SUMF1: variants seen among roughly 807,000 people sequenced by gnomAD.
The protein encoded by SUMF1 is formylglycine-generating enzyme.
SUMF1 carries 48 observed loss-of-function variants against 47.6 expected under a neutral mutation model. The observed-to-expected ratio is 1.01, with a 90% confidence interval of 0.80 to 1.28. The LOEUF is 1.28. SUMF1 is among the 50% of genes most tolerant of loss of function. The probability of loss-of-function intolerance (pLI) is 0.00; values close to 1 mark genes in which losing one functional copy is unlikely to be tolerated. For synonymous variants in SUMF1, 230 were observed against 192.1 expected (o/e 1.20, Z -1.63); for missense variants, 571 against 485.4 (o/e 1.18, Z -1.66).
chr3:4,143,599 C>T (rs1350765869), intron 8 of SUMF1, among the ~76,000 whole-genome samples: 2 of 152,052 alleles, frequency 1.3e-5, no homozygotes, highest in East Asian at 3.9e-4. Flanking sequence ...TCTCTGTGAA[C>T]TAAAAACCCA....
intron 8 of SUMF1, among the ~76,000 whole-genome samples, chr3:4,214,983 T>C (rs892651241): frequency 6.6e-6 from 1 of 152,168 alleles, no homozygotes; most frequent in Non-Finnish European, 1.5e-5. Flanking sequence ...GAGGAGCTGG[T>C]ACCATTCATT....
intron 8 of SUMF1, among the ~76,000 whole-genome samples, chr3:4,144,169 G>A (rs1240740303): frequency 2.0e-5 from 3 of 151,686 alleles, no homozygotes; most frequent in East Asian, 1.9e-4. Context: ...GTCTTACCAC[G>A]TGTCCCAGGC....
At chr3:4,456,674 G>A (rs1341988184) in intron 1 of SUMF1, among the ~76,000 whole-genome samples, 11 of 138,944 alleles carry the variant, frequency 7.9e-5, no homozygotes, top group East Asian at 2.1e-4. Context: ...ATATATATAC[G>A]TGTATATATA....
intron 8 of SUMF1, among the ~76,000 whole-genome samples, chr3:4,096,473 C>T (rs1692907009): frequency 6.6e-6 from 1 of 152,064 alleles, no homozygotes. Flanking sequence ...TAGAAATGGG[C>T]AGCTTTTGTA....
intron 9 of SUMF1, among the ~76,000 whole-genome samples, chr3:4,060,801 T>C (rs895695880): frequency 1.3e-5 from 2 of 152,162 alleles, no homozygotes; most frequent in African/African-American, 4.8e-5. Flanking sequence ...GAGGAATAAA[T>C]GAATCATTGT....
chr3:4,265,306 C>T (rs1191241468), intron 8 of SUMF1, among the ~76,000 whole-genome samples: 1 of 152,070 alleles, frequency 6.6e-6, no homozygotes, highest in East Asian at 1.9e-4. Context: ...GTAGCCAAAC[C>T]TTTAGCTTAG....
At position 4,066,220 on chromosome 3, in the gene SUMF1, G is replaced by C. The variant is rs1001404192; in HGVS notation, c.1191+2349C>G. ...TTTTTAATTCAAAAATTGCAAAAATGCCAAAACAGGATGAAATGATATCAG... is the reference window on the plus strand; with the variant it reads ...TTTTTAATTCAAAAATTGCAAAAATCCCAAAACAGGATGAAATGATATCAG... On this transcript the variant is annotated intron_variant and NMD_transcript_variant, in intron 9 of 12. Transcript: ENST00000448413. 2.2e-4 allele frequency among the ~76,000 whole-genome samples: 33 copies of C among 150,918 alleles called. 1 individual carries two copies. Among genetic ancestry groups the C allele is most frequent in the Admixed American group, 6.6e-5 (1 of 15,136 alleles).
At chr3:4,450,326 C>T (rs1702927249) in intron 2 of SUMF1, among the ~76,000 whole-genome samples, 1 of 152,164 alleles carries the variant, frequency 6.6e-6, no homozygotes, top group East Asian at 1.9e-4. Flanking sequence ...AAATGACTCT[C>T]AAATCTCTAC....
chr3:4,423,437 T>C (rs1368104516), intron 3 of SUMF1, among the ~76,000 whole-genome samples: 1 of 152,014 alleles, frequency 6.6e-6, no homozygotes, highest in East Asian at 1.9e-4. Flanking sequence ...TGTATAGAAG[T>C]CCCTAGGGCT....
At chr3:4,465,404 A>T (rs2079916553) in intron 1 of SUMF1, among the ~76,000 whole-genome samples, 1 of 152,104 alleles carries the variant, frequency 6.6e-6, no homozygotes, top group Non-Finnish European at 1.5e-5. Context: ...ATTCGAACCC[A>T]GGAGGTGGAG....
At chr3:4,106,417 A>C (rs971472643) in intron 8 of SUMF1, among the ~76,000 whole-genome samples, 3 of 152,136 alleles carry the variant, frequency 2.0e-5, no homozygotes, top group African/African-American at 4.8e-5. Context: ...TAGTTTTCAC[A>C]TATACCCTTC....
At chr3:4,138,486 A>G (rs1183979121) in intron 8 of SUMF1, among the ~76,000 whole-genome samples, 1 of 152,106 alleles carries the variant, frequency 6.6e-6, no homozygotes, top group African/African-American at 2.4e-5. Context: ...TATTAGCCTG[A>G]CCTTCCAGAA....
chr3:4,175,663 G>C (rs1041709947), intron 8 of SUMF1, among the ~76,000 whole-genome samples: 2 of 152,134 alleles, frequency 1.3e-5, no homozygotes, highest in Admixed American at 1.3e-4. Flanking sequence ...TGCCAGCAGT[G>C]GAAAAAGGTG....
intron 7 of SUMF1, among the ~76,000 whole-genome samples, chr3:4,387,853 A>G (rs1700724168): frequency 6.6e-6 from 1 of 152,024 alleles, no homozygotes; most frequent in Non-Finnish European, 1.5e-5. Context: ...AGCGTGTTTC[A>G]TAGTTTCCAT....
At chr3:4,235,141 A>G (rs1318782208) in intron 8 of SUMF1, among the ~76,000 whole-genome samples, 1 of 152,180 alleles carries the variant, frequency 6.6e-6, no homozygotes, top group African/African-American at 2.4e-5. Context: ...CAACAGCAGT[A>G]GAGACAAAGG....
At chr3:4,074,153 T>G (rs1692357438) in intron 8 of SUMF1, among the ~76,000 whole-genome samples, 1 of 151,888 alleles carries the variant, frequency 6.6e-6, no homozygotes. Flanking sequence ...CAGACCACAG[T>G]GCAATCAAAT....
At position 4,171,197 on chromosome 3, in the gene SUMF1, T is replaced by C. The variant is rs182290454; in HGVS notation, c.1015-102452A>G. On this transcript the variant is annotated intron_variant and NMD_transcript_variant, in intron 8 of 12. Transcript: ENST00000448413. ...CATCATGCAGAATTTTGCTAACTAC[T>C]AAGGATTTTGCCACCATCAGCAGCA... Among the ~76,000 whole-genome samples the C allele has an allele frequency of 1.5e-4, 23 of 152,282 alleles. No individual in the cohort carries two copies. The East Asian group carries it at 4.4e-3, about 29-fold the overall frequency.
At chr3:4,447,678 T>C (rs1702827173) in intron 3 of SUMF1, among the ~76,000 whole-genome samples, 2 of 152,216 alleles carry the variant, frequency 1.3e-5, no homozygotes, top group Admixed American at 6.5e-5. Flanking sequence ...GACACATTTA[T>C]GTTACTTGTT....
rs73809521 is a variant in SUMF1, at chr3:4,370,344, G to A, written c.1014+5986C>T. On this transcript the variant is annotated intron_variant, in intron 8 of 8. Transcript: ENST00000272902. ...CTTAGAAACCTTGTGTTCAACTGCA[G>A]GAAGATGGTAATAGCCCTGCCAGCA... is the stretch of plus-strand genomic sequence containing the variant. Among the ~76,000 whole-genome samples, 572 of 152,304 alleles carry A rather than the reference G, an allele frequency of 3.8e-3. 5 individuals carry two copies. Among genetic ancestry groups the A allele is most frequent in the African/African-American group, 0.013 (547 of 41,572 alleles).
Sources: gnomAD v4.1 joint callset for allele counts (sites outside exome capture counted in the v4.1 genomes callset) on GRCh38, gnomAD v4.1.1 for gene constraint, MANE v1.5 for transcripts, NCBI Gene and HGNC (gene_info 2026-07-23, HGNC 2026-07-21) for gene names.